ALK: variants seen among roughly 807,000 people sequenced by gnomAD.
ALK encodes the protein ALK tyrosine kinase receptor.
A neutral mutation model predicts 163.1 loss-of-function variants in ALK; 74 were observed. That is an observed-to-expected ratio of 0.45 (90% confidence interval 0.38 to 0.55). The LOEUF is 0.55. Ranked by LOEUF, ALK falls within the 20% of genes least tolerant of loss-of-function variation. The pLI is 0.00. For synonymous variants in ALK, 960 were observed against 843.2 expected (o/e 1.14, Z -2.40); for missense variants, 2,063 against 2,105.3 (o/e 0.98, Z 0.39).
intron 5 of ALK, among the ~76,000 whole-genome samples, chr2:29,346,300 A>G (rs1462829346): frequency 1.3e-5 from 2 of 152,224 alleles, no homozygotes; most frequent in Non-Finnish European, 2.9e-5. Flanking sequence ...AGAGGGGAAA[A>G]AAAGATCCAC....
chr2:29,275,151 C>T lies in ALK; in HGVS notation c.1989G>A (p.Glu663=), dbSNP rs760401344. 1.2e-6 allele frequency: 2 copies of T among 1,614,182 alleles called. No individual in the cohort carries two copies. Among genetic ancestry groups the T allele is most frequent in the South Asian group, 1.1e-5 (1 of 91,074 alleles). Residue 663 remains glutamate (E), a synonymous_variant, in exon 11 of 29, where the codon GAG becomes GAA. Coordinates refer to ENST00000389048, the MANE Select transcript of ALK (RefSeq NM_004304.5). ...TTGGTGAATTTTCCCCGGGTTTCAGCTCCTTGTTTGGGTTTCTCTCAAACA... is the reference window on the plus strand; with the variant it reads ...TTGGTGAATTTTCCCCGGGTTTCAGTTCCTTGTTTGGGTTTCTCTCAAACA... ...RNLFERNPNK[E]LKPGENSPRQ...
intron 3 of ALK, among the ~76,000 whole-genome samples, chr2:29,647,775 C>CTTTTTTTTTTTTTTTTTTT (rs34620705): frequency 8.5e-6 from 1 of 117,214 alleles, no homozygotes; most frequent in African/African-American, 3.5e-5. Context: ...ATGATTTTTT[C>CTTTTTTTTTTTTTTTTTTT]TTTTTTTTTT....
chr2:29,458,973 C>T (rs1553318054), intron 4 of ALK, among the ~76,000 whole-genome samples: 6 of 152,226 alleles, frequency 3.9e-5, no homozygotes, highest in Non-Finnish European at 1.5e-5. Flanking sequence ...CACACTTTTC[C>T]ATTTTAATAG....
chr2:29,717,445 A>T, intron 2 of ALK, 133 bp downstream of exon 2: 1 of 1,118,070 alleles, frequency 8.9e-7, no homozygotes, highest in South Asian at 1.3e-5. Context: ...CAGAGGGCTC[A>T]GAAAGACTTC....
intron 1 of ALK, among the ~76,000 whole-genome samples, chr2:29,918,135 A>G (rs1667884900): frequency 6.6e-6 from 1 of 152,232 alleles, no homozygotes; most frequent in Admixed American, 6.5e-5. Flanking sequence ...AGAGACACCC[A>G]CTGATAGCTT....
At chr2:29,645,665 C>G (rs2148249418) in intron 3 of ALK, among the ~76,000 whole-genome samples, 1 of 152,222 alleles carries the variant, frequency 6.6e-6, no homozygotes, top group East Asian at 1.9e-4. Context: ...TCCTGTGCCA[C>G]CACTGCTCCT....
chr2:29,383,643 G>A (rs1668958930), intron 5 of ALK, 89 bp downstream of exon 5: 2 of 1,565,354 alleles, frequency 1.3e-6, no homozygotes, highest in East Asian at 2.3e-5. Context: ...TCATAAGTGT[G>A]CACATTCCCA....
chr2:29,722,504 T>G (rs1472923089), intron 1 of ALK, among the ~76,000 whole-genome samples: 1 of 152,212 alleles, frequency 6.6e-6, no homozygotes, highest in African/African-American at 2.4e-5. Context: ...AACCATACAG[T>G]GAATTTCTCC....
At chr2:29,569,022 G>T (rs1038179036) in intron 3 of ALK, among the ~76,000 whole-genome samples, 4 of 152,158 alleles carry the variant, frequency 2.6e-5, no homozygotes, top group Non-Finnish European at 5.9e-5. Context: ...TTGGCTCTCT[G>T]CAGTACCCCT....
In ALK at chr2:29,651,545, A is replaced by C. The variant is rs549285441; in HGVS notation, c.952+43305T>G. 2.0e-5 allele frequency among the ~76,000 whole-genome samples: 3 copies of C among 152,278 alleles called. No individual in the cohort carries two copies. In the South Asian group the frequency reaches 6.2e-4, roughly 32 times the overall value. ...CTAAAAAGATCTGAGGATCATTTTC[A>C]ATAGCATCTTCTCAGAGATATTTAT... On this transcript the variant is annotated intron_variant, in intron 3 of 28. Transcript: ENST00000389048.
intron 11 of ALK, among the ~76,000 whole-genome samples, chr2:29,262,722 A>G (rs949419276): frequency 1.1e-4 from 17 of 152,196 alleles, no homozygotes; most frequent in African/African-American, 3.9e-4. Context: ...GGGACTTCCG[A>G]GTGAGCTTGC....
At chr2:29,675,910 G>C (rs1259733341) in intron 3 of ALK, among the ~76,000 whole-genome samples, 1 of 151,868 alleles carries the variant, frequency 6.6e-6, no homozygotes, top group African/African-American at 2.4e-5. Context: ...TTTTGTTGTA[G>C]AGATGGCACC....
At chr2:29,405,140 T>A (rs1354634794) in intron 4 of ALK, among the ~76,000 whole-genome samples, 1 of 152,234 alleles carries the variant, frequency 6.6e-6, no homozygotes, top group African/African-American at 2.4e-5. Context: ...TTTTCCTCGC[T>A]AAGCATCTGC....
chr2:29,656,910 A>C (rs1412605406), intron 3 of ALK, among the ~76,000 whole-genome samples: 5 of 152,018 alleles, frequency 3.3e-5, no homozygotes, highest in African/African-American at 1.2e-4. Context: ...AAAACTCAGA[A>C]CCTTTTTTCC....
intron 1 of ALK, among the ~76,000 whole-genome samples, chr2:29,724,563 T>A (rs1679515569): frequency 6.6e-6 from 1 of 152,148 alleles, no homozygotes; most frequent in Non-Finnish European, 1.5e-5. Flanking sequence ...TGGGCGATGT[T>A]GTTAATTTAG....
At chr2:29,616,198 A>G (rs562868474) in intron 3 of ALK, among the ~76,000 whole-genome samples, 2 of 151,544 alleles carry the variant, frequency 1.3e-5, no homozygotes, top group African/African-American at 2.4e-5. Flanking sequence ...CCTGCTTGGA[A>G]CCCCCAGGAG....
At chr2:29,586,381 C>A (rs569488791) in intron 3 of ALK, among the ~76,000 whole-genome samples, 2 of 151,994 alleles carry the variant, frequency 1.3e-5, no homozygotes, top group South Asian at 4.2e-4. Context: ...GTAATCATCT[C>A]GACAGATTTG....
At chr2:29,918,136 C>T (rs575161139) in intron 1 of ALK, among the ~76,000 whole-genome samples, 68 of 152,326 alleles carry the variant, frequency 4.5e-4, no homozygotes, top group Non-Finnish European at 7.5e-4. Flanking sequence ...GAGACACCCA[C>T]TGATAGCTTC....
At chr2:29,307,383 A>G (rs1455215224) in intron 8 of ALK, among the ~76,000 whole-genome samples, 1 of 152,194 alleles carries the variant, frequency 6.6e-6, no homozygotes, top group Non-Finnish European at 1.5e-5. Flanking sequence ...TGTGTATTTC[A>G]CTTCAAGAGA....
Sources: allele counts gnomAD v4.1 joint callset (sites outside exome capture counted in the v4.1 genomes callset), GRCh38; gene constraint gnomAD v4.1.1; transcripts MANE v1.5; gene names NCBI Gene and HGNC (gene_info 2026-07-23, HGNC 2026-07-21).